Variants in PDE1C observed in about 807,000 individuals in gnomAD.
PDE1C encodes the protein dual specificity calcium/calmodulin-dependent 3',5'-cyclic nucleotide phosphodiesterase 1C.
Under a neutral mutation model 93.1 loss-of-function variants are expected in PDE1C, and 62 were observed. The ratio of observed to expected loss-of-function variants is 0.67; its 90% CI spans 0.54 to 0.82. The LOEUF (loss-of-function observed/expected upper bound fraction) is 0.82. Among genes scored for constraint, PDE1C ranks in the 40% least tolerant of loss-of-function variants. The pLI, the probability that PDE1C is intolerant of heterozygous loss-of-function variation, is 0.00. For missense variants in PDE1C, 742 were observed against 884.6 expected, an observed-to-expected ratio of 0.84 and a Z score of 2.04; for synonymous variants, 325 against 310.1, an observed-to-expected ratio of 1.05 and a Z score of -0.50.
chr7:31,658,225 A>G, the PDE1C span: 1 of 1,455,536 alleles, frequency 6.9e-7, no homozygotes, highest in Non-Finnish European at 9.0e-7. Context: ...CTTCCCAGAA[A>G]AATGTTGCAT....
chr7:31,873,429 A>G, intron 5 of PDE1C, 21 bp from the exon 6 acceptor site: 1 of 1,486,498 alleles, frequency 6.7e-7, no homozygotes, highest in Non-Finnish European at 9.4e-7. Context: ...GGGTGGGGAG[A>G]AAGAACACAT....
chr7:31,643,328 C>T, the PDE1C span: 1 of 1,613,976 alleles, frequency 6.2e-7, no homozygotes. Context: ...ACACCTTATG[C>T]AACTGACCTT....
chr7:31,661,738 G>T, the PDE1C span, among the ~76,000 whole-genome samples: 67 of 152,034 alleles, frequency 4.4e-4, no homozygotes, highest in Admixed American at 6.6e-4. Context: ...AATAATATTG[G>T]GAATATTGTT....
chr7:32,297,980 TCTCTCTCTCTCTCTCTCC>T (rs1812694503), intron 1 of PDE1C, among the ~76,000 whole-genome samples: 3 of 74,912 alleles, frequency 4.0e-5, no homozygotes, highest in Admixed American at 1.1e-4. Context: ...TCTCTCTCTC[TCTCTCTCTCTCTCTCTCC>T]TCTCTCTCTC....
the PDE1C span, among the ~76,000 whole-genome samples, chr7:31,715,242 C>T: frequency 6.6e-6 from 1 of 150,886 alleles, no homozygotes; most frequent in East Asian, 1.9e-4. Flanking sequence ...TATGTAAAGG[C>T]CTCTTTTTTT....
the PDE1C span, among the ~76,000 whole-genome samples, chr7:31,737,940 A>G: frequency 1.3e-5 from 2 of 152,162 alleles, no homozygotes; most frequent in African/African-American, 4.8e-5. Flanking sequence ...TAGGTTAAAT[A>G]ACAGCATAGA....
chr7:32,105,490 C>A (rs766316291), intron 3 of PDE1C, among the ~76,000 whole-genome samples: 1 of 152,106 alleles, frequency 6.6e-6, no homozygotes, highest in Non-Finnish European at 1.5e-5. Flanking sequence ...ATTTCCTTAT[C>A]CCAATAAGAC....
In PDE1C at chr7:32,025,700, G is replaced by T. The variant is rs147157375; in HGVS notation, c.128+25854C>A. Among the ~76,000 whole-genome samples the T allele has an allele frequency of 2.1e-3, 325 of 152,250 alleles. 4 individuals carry two copies. The highest frequency in any genetic ancestry group is 7.5e-3 in the African/African-American group (312 of 41,554). Reference sequence around the variant, plus strand: ...GGAGAGGATGTTAAGATCAGTTACTGGCTGGCTCAAACTGACATGCCCATA... The same window carrying T: ...GGAGAGGATGTTAAGATCAGTTACTTGCTGGCTCAAACTGACATGCCCATA... On this transcript the variant is annotated intron_variant, in intron 2 of 17. Coordinates refer to ENST00000396191, the MANE Select transcript of PDE1C (RefSeq NM_001191057.4).
rs66899931 is a variant in PDE1C, at chr7:32,370,786, TAATAAATAAATA to T, written c.310+57024_310+57035del. On this transcript the variant is annotated intron_variant, in intron 1 of 1. Coordinates refer to the PDE1C transcript ENST00000672256. ...ATGTACCCTAGAACTTAAAGTATAA[TAATAAATAAATA>T]AATAAATAAATAAATAAGAATATCT... 1.5e-4 allele frequency among the ~76,000 whole-genome samples: 23 copies of T among 149,836 alleles called. 1 individual carries two copies. The highest frequency in any genetic ancestry group is 5.9e-4 in the East Asian group (3 of 5,062).
chr7:31,751,684 G>T lies in PDE1C; in HGVS notation c.*1700C>A, dbSNP rs1045667620. ...AAAGAATTGCAATCGCCTCCTTAAC[G>T]AAAAGTCACAATGATTCGTCTTTTT... On this transcript the variant is annotated 3_prime_UTR_variant, in exon 18 of 18. Coordinates refer to ENST00000396191, the MANE Select transcript of PDE1C (RefSeq NM_001191057.4). The T allele has an allele frequency of 6.6e-6, 1 of 152,246 alleles. No homozygotes were observed. Among genetic ancestry groups the T allele is most frequent in the African/African-American group, 2.4e-5 (1 of 41,544 alleles). The allele number at this position is 152,246 out of a possible 1,614,324, so 9.4% of individuals were successfully genotyped here.
intron 9 of PDE1C, among the ~76,000 whole-genome samples, chr7:31,846,804 G>A (rs567053022): frequency 1.3e-5 from 2 of 152,206 alleles, no homozygotes; most frequent in East Asian, 3.9e-4. Flanking sequence ...ATGATTAATT[G>A]AATTGCTCTG....
the PDE1C span, among the ~76,000 whole-genome samples, chr7:31,639,831 C>T: frequency 1.3e-5 from 2 of 152,092 alleles, no homozygotes; most frequent in African/African-American, 4.8e-5. Flanking sequence ...CCACTGTACC[C>T]AGGATATAGT....
At chr7:31,944,182 C>T (rs1806255507) in intron 2 of PDE1C, among the ~76,000 whole-genome samples, 1 of 152,160 alleles carries the variant, frequency 6.6e-6, no homozygotes, top group Non-Finnish European at 1.5e-5. Flanking sequence ...GACACACCCT[C>T]GACCACACAT....
chr7:31,937,801 C>T (rs1337967317), intron 2 of PDE1C, among the ~76,000 whole-genome samples: 4 of 152,140 alleles, frequency 2.6e-5, no homozygotes, highest in East Asian at 1.9e-4. Flanking sequence ...AAGAAACTCA[C>T]ATTTTATTCA....
At chr7:32,269,626 C>T (rs1216955844) in intron 1 of PDE1C, among the ~76,000 whole-genome samples, 2 of 152,104 alleles carry the variant, frequency 1.3e-5, no homozygotes, top group Non-Finnish European at 2.9e-5. Context: ...ACTACAGGCA[C>T]ATGCCACCAT....
intron 2 of PDE1C, among the ~76,000 whole-genome samples, chr7:32,021,985 C>T (rs1305293690): frequency 6.6e-6 from 1 of 152,038 alleles, no homozygotes; most frequent in Non-Finnish European, 1.5e-5. Flanking sequence ...CTCAATCTAA[C>T]AATCAGGAAT....
chr7:32,388,316 T>C (rs1476735558), intron 1 of PDE1C, among the ~76,000 whole-genome samples: 2 of 152,078 alleles, frequency 1.3e-5, no homozygotes, highest in African/African-American at 2.4e-5. Context: ...TCAAGAGAGA[T>C]GAGCAAGTAC....
At chr7:31,650,008 T>G in the PDE1C span, among the ~76,000 whole-genome samples, 1 of 152,048 alleles carries the variant, frequency 6.6e-6, no homozygotes, top group African/African-American at 2.4e-5. Context: ...TCACAAAGAA[T>G]TGGTCCATGT....
chr7:32,285,226 C>G (rs2128894372), intron 1 of PDE1C, among the ~76,000 whole-genome samples: 1 of 152,212 alleles, frequency 6.6e-6, no homozygotes, highest in East Asian at 1.9e-4. Context: ...CTTTAAAACT[C>G]CATTCGAAAA....
Sources: allele counts gnomAD v4.1 joint callset (sites outside exome capture counted in the v4.1 genomes callset), GRCh38; gene constraint gnomAD v4.1.1; transcripts MANE v1.5; gene names NCBI Gene and HGNC (gene_info 2026-07-23, HGNC 2026-07-21).